DNAI4: variants seen among roughly 807,000 people sequenced by gnomAD.
DNAI4 encodes the protein dynein axonemal intermediate chain 4.
Under a neutral mutation model 105.8 loss-of-function variants are expected in DNAI4, and 85 were observed. That is an observed-to-expected ratio of 0.80 (90% CI 0.67 to 0.96). The LOEUF (loss-of-function observed/expected upper bound fraction) is 0.96. Ranked by LOEUF, DNAI4 falls within the 40% of genes least tolerant of loss-of-function variation. DNAI4 has a pLI of 0.00. For missense variants in DNAI4, 1,014 were observed against 1,005.6 expected, an observed-to-expected ratio of 1.01 and a Z score of -0.11; for synonymous variants, 352 against 331.5, an observed-to-expected ratio of 1.06 and a Z score of -0.67.
At chr1:66,836,913 C>T (rs969112225) in intron 10 of DNAI4, among the ~76,000 whole-genome samples, 1 of 152,122 alleles carries the variant, frequency 6.6e-6, no homozygotes, top group African/African-American at 2.4e-5. Flanking sequence ...TTGACTAGGG[C>T]TCTTTAGCAA....
At chr1:66,845,494 TC>T (rs1255179832) in intron 8 of DNAI4, among the ~76,000 whole-genome samples, 1 of 152,120 alleles carries the variant, frequency 6.6e-6, no homozygotes, top group African/African-American at 2.4e-5. Flanking sequence ...AATCCAATAA[TC>T]CCATTTGTAG....
intron 7 of DNAI4, among the ~76,000 whole-genome samples, chr1:66,849,051 T>G (rs1646338826): frequency 6.6e-6 from 1 of 152,144 alleles, no homozygotes; most frequent in African/African-American, 2.4e-5. Flanking sequence ...GTCCCCTTCC[T>G]ACAGTGTCAG....
At chr1:66,908,408 TC>T (rs1649414259) in intron 1 of DNAI4, among the ~76,000 whole-genome samples, 1 of 152,126 alleles carries the variant, frequency 6.6e-6, no homozygotes, top group South Asian at 2.1e-4. Context: ...ACTATACCTG[TC>T]CTAATCACCC....
chr1:66,903,643 G>A (rs1649011300), intron 2 of DNAI4, among the ~76,000 whole-genome samples: 1 of 152,162 alleles, frequency 6.6e-6, no homozygotes, highest in Non-Finnish European at 1.5e-5. Flanking sequence ...ACAGGCACCT[G>A]CCACGACGGC....
intron 4 of DNAI4, among the ~76,000 whole-genome samples, chr1:66,883,612 T>C (rs1320759529): frequency 1.3e-5 from 2 of 152,208 alleles, no homozygotes; most frequent in South Asian, 4.1e-4. Flanking sequence ...TTTTAAAAAG[T>C]AAGCCTAGTT....
intron 1 of DNAI4, among the ~76,000 whole-genome samples, chr1:66,912,618 G>A (rs991759378): frequency 6.6e-6 from 1 of 152,070 alleles, no homozygotes; most frequent in Non-Finnish European, 1.5e-5. Context: ...CATGCCTCCC[G>A]ACAATGTATA....
At chr1:66,880,230 A>G (rs1647039520) in intron 4 of DNAI4, among the ~76,000 whole-genome samples, 1 of 152,212 alleles carries the variant, frequency 6.6e-6, no homozygotes, top group Non-Finnish European at 1.5e-5. Context: ...AAAATGGACT[A>G]ATACAGTAAA....
chr1:66,893,154 G>A (rs1647998120), intron 3 of DNAI4, 75 bp downstream of exon 3: 2 of 759,280 alleles, frequency 2.6e-6, no homozygotes, highest in East Asian at 6.1e-5. Flanking sequence ...TGATATCTAA[G>A]ATACACATTT....
At chr1:66,859,669 G>T (rs936229562) in intron 7 of DNAI4, among the ~76,000 whole-genome samples, 2 of 152,102 alleles carry the variant, frequency 1.3e-5, no homozygotes, top group African/African-American at 4.8e-5. Context: ...AGGCTTAAGT[G>T]CATATCGTTT....
intron 4 of DNAI4, among the ~76,000 whole-genome samples, chr1:66,879,708 T>C (rs1647028238): frequency 6.6e-6 from 1 of 152,228 alleles, no homozygotes; most frequent in Non-Finnish European, 1.5e-5. Context: ...TTATCAGGTT[T>C]TTTTAGCCAT....
chr1:66,814,898 T>C (rs1254338089), intron 16 of DNAI4, among the ~76,000 whole-genome samples: 3 of 152,218 alleles, frequency 2.0e-5, no homozygotes, highest in Non-Finnish European at 4.4e-5. Context: ...TTAATGGTAC[T>C]GATATTTGCA....
At chr1:66,876,060 T>C (rs557077043) in intron 4 of DNAI4, among the ~76,000 whole-genome samples, 1 of 152,156 alleles carries the variant, frequency 6.6e-6, no homozygotes, top group East Asian at 1.9e-4. Context: ...TTTGGGTGAT[T>C]CTTCTTTTTT....
intron 2 of DNAI4, among the ~76,000 whole-genome samples, chr1:66,898,776 C>G (rs1373262340): frequency 1.3e-5 from 2 of 152,086 alleles, no homozygotes; most frequent in African/African-American, 4.8e-5. Context: ...TAAGATAGTC[C>G]CCTAACATCT....
chr1:66,914,263 A>G (rs1463352467), intron 1 of DNAI4, among the ~76,000 whole-genome samples: 1 of 152,212 alleles, frequency 6.6e-6, no homozygotes, highest in Non-Finnish European at 1.5e-5. Flanking sequence ...GTCTTTGTGC[A>G]CATTTACAAG....
intron 1 of DNAI4, among the ~76,000 whole-genome samples, chr1:66,909,901 A>G: frequency 6.6e-6 from 1 of 152,164 alleles, no homozygotes; most frequent in South Asian, 2.1e-4. Flanking sequence ...TCTGGAATCC[A>G]TTCATTTGTC....
At chr1:66,875,427 A>G (rs1462015941) in intron 4 of DNAI4, among the ~76,000 whole-genome samples, 1 of 152,196 alleles carries the variant, frequency 6.6e-6, no homozygotes, top group African/African-American at 2.4e-5. Context: ...CACCAGGGGT[A>G]AAGACTCTAC....
intron 4 of DNAI4, among the ~76,000 whole-genome samples, chr1:66,887,283 A>C (rs115231317): frequency 1.3e-5 from 2 of 152,206 alleles, no homozygotes; most frequent in Admixed American, 1.3e-4. Flanking sequence ...TGGATTGTCT[A>C]TCTCTCTAGA....
At chr1:66,867,694 A>AT (rs909114598) in intron 6 of DNAI4, among the ~76,000 whole-genome samples, 11 of 151,816 alleles carry the variant, frequency 7.2e-5, no homozygotes, top group South Asian at 2.1e-4. Context: ...TCCTGGAACT[A>AT]TTTTTTTTAG....
rs369277470 is a variant in DNAI4, at chr1:66,867,268, C to T, written c.940+4102G>A. 1.8e-3 allele frequency among the ~76,000 whole-genome samples: 268 copies of T among 152,322 alleles called. 4 individuals are homozygous for T. Among genetic ancestry groups the T allele is most frequent in the Middle Eastern group, 0.017 (5 of 294 alleles). On this transcript the variant is annotated intron_variant, in intron 6 of 16. Coordinates refer to ENST00000371026, the MANE Select transcript of DNAI4 (RefSeq NM_024763.5). Reference sequence around the variant, plus strand: ...GTTTGTGGACATTTTCTGTCCCCCACATTTTAAAATTTCATTTATTGGTAA... The same window carrying T: ...GTTTGTGGACATTTTCTGTCCCCCATATTTTAAAATTTCATTTATTGGTAA...
Sources: gnomAD v4.1 joint callset for allele counts (sites outside exome capture counted in the v4.1 genomes callset) on GRCh38, gnomAD v4.1.1 for gene constraint, MANE v1.5 for transcripts, NCBI Gene and HGNC (gene_info 2026-07-23, HGNC 2026-07-21) for gene names.